The following KPNA3 variants were observed in gnomAD, a reference collection of about 807,000 sequenced individuals.
KPNA3 encodes karyopherin subunit alpha 3, also known as importin subunit alpha-4.
Under a neutral mutation model 73.8 loss-of-function variants are expected in KPNA3, and 13 were observed. The ratio of observed to expected loss-of-function variants is 0.18; its 90% CI spans 0.11 to 0.28. KPNA3 has a LOEUF of 0.28. Among genes scored for constraint, KPNA3 ranks in the 10% least tolerant of loss-of-function variants. The probability of loss-of-function intolerance (pLI) is 1.00; values close to 1 mark genes in which losing one functional copy is unlikely to be tolerated. For missense variants in KPNA3, 360 were observed against 618.1 expected (o/e 0.58, Z 4.43); for synonymous variants, 186 against 206.9 (o/e 0.90, Z 0.87).
Position 49,792,457 on chromosome 13 carries a change from T to G in KPNA3, c.50A>C (p.Asn17Thr). ...LENHRIKSFK[N>T]KGRDVETMRR... ...ACTCACTTCCACATCGCGGCCCTTG[T>G]TCTTGAAGCTCTTGATGCGGTGGTT... is the stretch of plus-strand genomic sequence containing the variant. Residue 17 changes from asparagine to threonine, a missense_variant, in exon 1 of 17, where the codon AAC becomes ACC. Asn to Thr is a moderately conservative substitution (Grantham distance 65). Around this residue, in one of 3 missense-constraint regions of KPNA3, gnomAD observed 35 missense variants for 30.0 expected, o/e 1.17. Transcript: ENST00000261667. 1 of 1,579,710 alleles carries G rather than the reference T, an allele frequency of 6.3e-7. No individual in the cohort carries two copies. The highest frequency in any genetic ancestry group is 8.6e-7 in the Non-Finnish European group (1 of 1,164,532).
chr13:49,724,969 G>T (rs967508069), intron 7 of KPNA3, among the ~76,000 whole-genome samples: 4 of 152,050 alleles, frequency 2.6e-5, no homozygotes, highest in African/African-American at 4.8e-5. Flanking sequence ...AAATCACCTT[G>T]ATTACCACAC....
At chr13:49,704,482 TAGAA>T (rs1288051071) in intron 15 of KPNA3, among the ~76,000 whole-genome samples, 8 of 105,006 alleles carry the variant, frequency 7.6e-5, no homozygotes, top group African/African-American at 3.2e-4. Context: ...AATAAATAAA[TAGAA>T]AGAAAGAAAT....
chr13:49,772,108 T>A (rs1954860697), intron 1 of KPNA3, among the ~76,000 whole-genome samples: 1 of 152,218 alleles, frequency 6.6e-6, no homozygotes, highest in Admixed American at 6.5e-5. Flanking sequence ...CAGAAGATCA[T>A]ATCATTTGCA....
chr13:49,737,561 CTGTGTGTGTGTGTGTGTGTG>C (rs3990330), intron 2 of KPNA3, among the ~76,000 whole-genome samples: 4,059 of 142,902 alleles, frequency 0.028, 114 homozygotes, highest in African/African-American at 0.074. Context: ...GTGTGTGTGT[CTGTGTGTGTGTGTGTGTGTG>C]TGTGTGTGTG....
intron 10 of KPNA3, among the ~76,000 whole-genome samples, chr13:49,714,308 CAACT>C (rs1156521436): frequency 1.3e-5 from 2 of 151,234 alleles, no homozygotes; most frequent in African/African-American, 4.9e-5. Flanking sequence ...AACAAAAAAA[CAACT>C]AAGAAAAAGT....
At chr13:49,746,837 T>A in intron 2 of KPNA3, 112 bp downstream of exon 2, 1 of 718,302 alleles carries the variant, frequency 1.4e-6, no homozygotes, top group Non-Finnish European at 2.4e-6. Context: ...CAGTGATGTG[T>A]GGTTTTAGGG....
chr13:49,739,873 A>T (rs1954557439), intron 2 of KPNA3, among the ~76,000 whole-genome samples: 1 of 152,336 alleles, frequency 6.6e-6, no homozygotes, highest in Middle Eastern at 3.4e-3. Flanking sequence ...TATTATTTTT[A>T]AAAAGTTGAC....
At chr13:49,790,633 ATGT>A (rs1021371383) in intron 1 of KPNA3, among the ~76,000 whole-genome samples, 3 of 152,238 alleles carry the variant, frequency 2.0e-5, no homozygotes, top group Admixed American at 6.5e-5. Context: ...GAGAAATGTA[ATGT>A]TGTGACCAAT....
chr13:49,758,580 G>GA (rs1298776769), intron 1 of KPNA3, among the ~76,000 whole-genome samples: 2 of 151,878 alleles, frequency 1.3e-5, no homozygotes, highest in Non-Finnish European at 2.9e-5. Context: ...CCTGGTGTCA[G>GA]AAAAAAACAG....
chr13:49,779,895 T>C (rs1490490883), intron 1 of KPNA3, among the ~76,000 whole-genome samples: 2 of 152,100 alleles, frequency 1.3e-5, no homozygotes, highest in East Asian at 3.8e-4. Context: ...GCCTCTCCTC[T>C]CTGTAGCATT....
intron 1 of KPNA3, among the ~76,000 whole-genome samples, chr13:49,753,406 CA>C (rs1954683037): frequency 6.6e-6 from 1 of 152,120 alleles, no homozygotes; most frequent in South Asian, 2.1e-4. Flanking sequence ...ATACAAGTGG[CA>C]AAACAACTGT....
At chr13:49,706,805 G>A (rs888988800) in intron 12 of KPNA3, among the ~76,000 whole-genome samples, 3 of 151,640 alleles carry the variant, frequency 2.0e-5, no homozygotes, top group Admixed American at 2.0e-4. Flanking sequence ...TTGGAGTGCA[G>A]TGGCGTGATC....
intron 1 of KPNA3, among the ~76,000 whole-genome samples, chr13:49,775,535 AT>A (rs952977431): frequency 2.0e-5 from 3 of 152,170 alleles, no homozygotes; most frequent in Non-Finnish European, 4.4e-5. Context: ...GCTTTAAAAA[AT>A]ATTTGTTTCT....
chr13:49,710,794 T>C (rs755931276), intron 11 of KPNA3, 97 bp downstream of exon 11: 11 of 1,061,762 alleles, frequency 1.0e-5, no homozygotes, highest in Non-Finnish European at 1.5e-5. Context: ...ATGTGGAAGA[T>C]AAGCACTTAC....
At chr13:49,778,696 C>T (rs80150214) in intron 1 of KPNA3, among the ~76,000 whole-genome samples, 4,169 of 152,158 alleles carry the variant, frequency 0.027, 194 homozygotes, top group African/African-American at 0.094. Flanking sequence ...CTGTGGCCTC[C>T]ACCTCATGGA....
intron 1 of KPNA3, among the ~76,000 whole-genome samples, chr13:49,770,029 C>A (rs1954840216): frequency 1.3e-5 from 2 of 152,064 alleles, no homozygotes; most frequent in Admixed American, 6.6e-5. Flanking sequence ...CATTTGTATG[C>A]CTCCTTCAGG....
chr13:49,721,277 T>C (rs1954354856), intron 9 of KPNA3, among the ~76,000 whole-genome samples: 1 of 152,152 alleles, frequency 6.6e-6, no homozygotes, highest in Non-Finnish European at 1.5e-5. Flanking sequence ...TCAAGAACAT[T>C]TGCATGTAAG....
intron 1 of KPNA3, among the ~76,000 whole-genome samples, chr13:49,764,210 C>T (rs956678950): frequency 1.8e-4 from 27 of 151,788 alleles, no homozygotes; most frequent in African/African-American, 6.3e-4. Context: ...TTCATCAACT[C>T]TAACTCTTGT....
At chr13:49,753,286 C>T (rs1199539810) in intron 1 of KPNA3, among the ~76,000 whole-genome samples, 7 of 152,016 alleles carry the variant, frequency 4.6e-5, no homozygotes, top group Admixed American at 6.6e-5. Context: ...GTGAAACTAA[C>T]GGACTTCCAA....
Sources: allele counts gnomAD v4.1 joint callset (sites outside exome capture counted in the v4.1 genomes callset), GRCh38; gene constraint gnomAD v4.1.1; regional missense constraint gnomAD v4.1.1; transcripts MANE v1.5; gene names NCBI Gene and HGNC (gene_info 2026-07-23, HGNC 2026-07-21).